Variants in TNFRSF8 observed in about 807,000 individuals in gnomAD.
The protein encoded by TNFRSF8 is tumor necrosis factor receptor superfamily member 8.
Under a neutral mutation model 70.8 loss-of-function variants are expected in TNFRSF8, and 26 were observed. The observed-to-expected ratio is 0.37, with a 90% CI of 0.27 to 0.51. The LOEUF (loss-of-function observed/expected upper bound fraction) is 0.51. Ranked by LOEUF, TNFRSF8 falls within the 20% of genes least tolerant of loss-of-function variation. The pLI, the probability that TNFRSF8 is intolerant of heterozygous loss-of-function variation, is 0.94. For synonymous variants in TNFRSF8, 356 were observed against 339.2 expected (o/e 1.05, Z -0.54); for missense variants, 720 against 807.9 (o/e 0.89, Z 1.32).
intron 12 of TNFRSF8, among the ~76,000 whole-genome samples, chr1:12,135,330 A>AAAT (rs1393081638): frequency 1.2e-4 from 18 of 151,044 alleles, no homozygotes; most frequent in African/African-American, 4.4e-4. Flanking sequence ...AAAAAAAAAA[A>AAAT]AAAGGAATGA....
At chr1:12,111,307 G>A (rs1287530690) in intron 6 of TNFRSF8, among the ~76,000 whole-genome samples, 1 of 151,824 alleles carries the variant, frequency 6.6e-6, no homozygotes, top group African/African-American at 2.4e-5. Flanking sequence ...TCAGCCTCCC[G>A]AGTAGCTGGG....
At position 12,111,887 on chromosome 1, in the gene TNFRSF8, T is replaced by C. The variant is rs753648416; in HGVS notation, c.677-11T>C. 1 of 1,613,392 alleles carries C rather than the reference T, an allele frequency of 6.2e-7. No homozygotes were observed. The highest frequency in any genetic ancestry group is 1.3e-5 in the African/African-American group (1 of 75,050). ...CGGCCTGGCCTGCAGCTTCTCTGCT[T>C]CTTTCCCCAGGTCTGTCCCCAACAC... On this transcript the variant is annotated splice_polypyrimidine_tract_variant and intron_variant, in intron 6 of 14. Coordinates refer to ENST00000263932, the MANE Select transcript of TNFRSF8 (RefSeq NM_001243.5).
Position 12,141,500 on chromosome 1 carries a change from T to C in TNFRSF8, c.1544-787T>C, listed in dbSNP as rs1642253409. 6.6e-6 allele frequency among the ~76,000 whole-genome samples: 1 copy of C among 152,238 alleles called. No individual in the cohort carries two copies. The highest frequency in any genetic ancestry group is 1.5e-5 in the Non-Finnish European group (1 of 68,046). On this transcript the variant is annotated intron_variant, in intron 14 of 14. Transcript: ENST00000263932. The surrounding 1 kb of genome is among the most constrained non-coding windows in gnomAD (Gnocchi z 5.4). ...GTGCTCACAGCACAGCCATGCACGCTGCAGGCAGGAGACCGGCTGTGAGCA... is the reference window on the plus strand; with the variant it reads ...GTGCTCACAGCACAGCCATGCACGCCGCAGGCAGGAGACCGGCTGTGAGCA...
chr1:12,102,987 C>T (rs1641450629), intron 3 of TNFRSF8, among the ~76,000 whole-genome samples: 1 of 152,166 alleles, frequency 6.6e-6, no homozygotes, highest in African/African-American at 2.4e-5. Flanking sequence ...CGGTGTGGGA[C>T]ATTTTTCATG....
chr1:12,120,739 C>T (rs1329741906), intron 8 of TNFRSF8, among the ~76,000 whole-genome samples: 3 of 152,146 alleles, frequency 2.0e-5, no homozygotes, highest in Non-Finnish European at 1.5e-5. Context: ...CCAGAGAACA[C>T]AGGCAGACCA....
chr1:12,143,051 TG>T lies in TNFRSF8; in HGVS notation c.*521del. 1 of 155,098 alleles carries T rather than the reference TG, an allele frequency of 6.4e-6. No individual in the cohort carries two copies. The highest frequency in any genetic ancestry group is 1.9e-4 in the South Asian group (1 of 5,272). 9.6% of individuals were successfully genotyped at this position (155,098 alleles called of 1,614,324 possible). ...TGGGCATGGAGCCAGTGCCTGTGGT[TG>T]TTTCTCCAGAGTCAAAAGGGAAGTC... On this transcript the variant is annotated 3_prime_UTR_variant, in exon 15 of 15. Coordinates refer to ENST00000263932, the MANE Select transcript of TNFRSF8 (RefSeq NM_001243.5). This position sits in a 1 kb window ranked among gnomAD's most constrained non-coding sequence, Gnocchi z 4.1.
intron 2 of TNFRSF8, among the ~76,000 whole-genome samples, chr1:12,087,245 G>A (rs1343236287): frequency 7.0e-6 from 1 of 143,574 alleles, no homozygotes; most frequent in African/African-American, 2.6e-5. Flanking sequence ...TTGGCTCACT[G>A]GAACCTCCGC....
intron 1 of TNFRSF8, among the ~76,000 whole-genome samples, chr1:12,070,461 A>G (rs1640822786): frequency 6.6e-6 from 1 of 152,088 alleles, no homozygotes; most frequent in Admixed American, 6.5e-5. Context: ...TCACCGTGTC[A>G]GCCAGGATGG....
Position 12,109,130 on chromosome 1 carries a change from G to A in TNFRSF8, c.422-436G>A, listed in dbSNP as rs188641865. On this transcript the variant is annotated intron_variant, in intron 4 of 14. Coordinates refer to ENST00000263932, the MANE Select transcript of TNFRSF8 (RefSeq NM_001243.5). The surrounding 1 kb of genome is among the most constrained non-coding windows in gnomAD (Gnocchi z 4.4). ...ATACTTACAAGCAGCTCTGCCCAGC[G>A]CCAGTGGGAAGACAGCTTCCCTTTC... Among the ~76,000 whole-genome samples the A allele has an allele frequency of 9.9e-5, 15 of 152,282 alleles. No individual in the cohort carries two copies. Among genetic ancestry groups the A allele is most frequent in the African/African-American group, 1.7e-4 (7 of 41,566 alleles).
chr1:12,138,156 A>AT lies in TNFRSF8; in HGVS notation c.1336-73_1336-72insT. ...GGGGTCTGTAGAGATGAAAAAAAAA[A>AT]GGGGCCTCCCAGTTCAGAGACTGGT... On this transcript the variant is annotated intron_variant, in intron 13 of 14. Coordinates refer to ENST00000263932, the MANE Select transcript of TNFRSF8 (RefSeq NM_001243.5). The surrounding 1 kb of genome is among the most constrained non-coding windows in gnomAD (Gnocchi z 5.7). The AT allele has an allele frequency of 6.7e-7, 1 of 1,485,742 alleles. No individual in the cohort carries two copies. The highest frequency in any genetic ancestry group is 9.1e-7 in the Non-Finnish European group (1 of 1,097,704). The allele number at this position is 1,485,742 out of a possible 1,614,324, so 92.0% of individuals were successfully genotyped here. A position where few individuals can be genotyped will look rare whatever the true frequency, so the allele number is the denominator to read the frequency against.
chr1:12,122,404 T>C (rs1279850824), intron 8 of TNFRSF8, among the ~76,000 whole-genome samples: 2 of 151,668 alleles, frequency 1.3e-5, no homozygotes, highest in Admixed American at 6.6e-5. Context: ...CCCAGCACTT[T>C]GGGAGGCTGA....
Position 12,138,184 on chromosome 1 carries a change from G to C in TNFRSF8, c.1336-45G>C, listed in dbSNP as rs750455270. On this transcript the variant is annotated intron_variant, in intron 13 of 14. Transcript: ENST00000263932. This position sits in a 1 kb window ranked among gnomAD's most constrained non-coding sequence, Gnocchi z 5.7. ...GGCCTCCCAGTTCAGAGACTGGTGGGGAGGTTGGGGGTACCCTGCAGCAGC... is the reference window on the plus strand; with the variant it reads ...GGCCTCCCAGTTCAGAGACTGGTGGCGAGGTTGGGGGTACCCTGCAGCAGC... The C allele has an allele frequency of 6.3e-7, 1 of 1,597,552 alleles. No individual in the cohort carries two copies. The highest frequency in any genetic ancestry group is 1.1e-5 in the South Asian group (1 of 90,148).
chr1:12,087,574 T>C (rs543477445), intron 2 of TNFRSF8, among the ~76,000 whole-genome samples: 2 of 152,330 alleles, frequency 1.3e-5, no homozygotes, highest in East Asian at 1.9e-4. Context: ...CTTCCCTTGC[T>C]AGCCTGATGG....
At chr1:12,082,427 C>T (rs1394207382) in intron 1 of TNFRSF8, among the ~76,000 whole-genome samples, 1 of 151,666 alleles carries the variant, frequency 6.6e-6, no homozygotes, top group African/African-American at 2.4e-5. Flanking sequence ...ATGCCTGTGG[C>T]CCCAGCTACT....
At chr1:12,123,648 A>G in intron 9 of TNFRSF8, 67 bp from the exon 10 acceptor site, 1 of 1,353,768 alleles carries the variant, frequency 7.4e-7, no homozygotes, top group South Asian at 1.3e-5. Flanking sequence ...GAGAAAGGGA[A>G]TTATTCCTGA....
chr1:12,103,584 C>T (rs528957672), intron 3 of TNFRSF8, among the ~76,000 whole-genome samples: 1 of 152,260 alleles, frequency 6.6e-6, no homozygotes, highest in South Asian at 2.1e-4. Flanking sequence ...ATCCTCCCGC[C>T]TCAGCCTCCC....
At chr1:12,094,853 T>C (rs959350945) in intron 2 of TNFRSF8, among the ~76,000 whole-genome samples, 3 of 152,100 alleles carry the variant, frequency 2.0e-5, no homozygotes, top group African/African-American at 7.2e-5. Context: ...CTTGAACTTA[T>C]GACCTCAAAT....
intron 2 of TNFRSF8, among the ~76,000 whole-genome samples, chr1:12,087,095 AT>A (rs1641165964): frequency 9.5e-6 from 1 of 105,286 alleles, no homozygotes; most frequent in Non-Finnish European, 2.3e-5. Context: ...CCATCCATCC[AT>A]CCATCCATCC....
rs1393714421 is a variant in TNFRSF8 at position 12,087,173 on chromosome 1, T to TTG, written c.151+2623_151+2624insGT. On this transcript the variant is annotated intron_variant, in intron 2 of 14. Transcript: ENST00000263932. ...TATTTCTCTCTCTCTCTCTTTTTTT[T>TTG]TTTTTTTTTTTTGAGATAGAGTCTG... Among the ~76,000 whole-genome samples, 239 of 146,996 alleles carry TTG rather than the reference T, an allele frequency of 1.6e-3. 4 individuals are homozygous for TTG. The highest frequency in any genetic ancestry group is 1.8e-3 in the Non-Finnish European group (119 of 66,374).
Sources: gnomAD v4.1 joint callset for allele counts (sites outside exome capture counted in the v4.1 genomes callset) on GRCh38, gnomAD v4.1.1 for gene constraint, Gnocchi (gnomAD v3.1) non-coding constraint, MANE v1.5 for transcripts, NCBI Gene and HGNC (gene_info 2026-07-23, HGNC 2026-07-21) for gene names.